Variants in RAB3C observed in about 807,000 individuals in gnomAD.
RAB3C encodes ras-related protein Rab-3C.
A neutral mutation model predicts 26.4 loss-of-function variants in RAB3C; 17 were observed. That is an observed-to-expected ratio of 0.64 (90% CI 0.44 to 0.97). RAB3C has a LOEUF of 0.97. Among genes scored for constraint, RAB3C ranks in the 50% least tolerant of loss-of-function variants. RAB3C has a pLI of 0.00. For missense variants in RAB3C, 242 were observed against 281.9 expected (o/e 0.86, Z 1.01); for synonymous variants, 91 against 95.9 (o/e 0.95, Z 0.30).
intron 3 of RAB3C, among the ~76,000 whole-genome samples, chr5:58,815,005 G>A (rs1359496608): frequency 6.6e-6 from 1 of 152,130 alleles, no homozygotes; most frequent in African/African-American, 2.4e-5. Context: ...TTACCACAGA[G>A]AGGTGGATCA....
At chr5:58,712,172 C>T (rs528566091) in intron 2 of RAB3C, among the ~76,000 whole-genome samples, 4 of 152,214 alleles carry the variant, frequency 2.6e-5, no homozygotes, top group East Asian at 3.9e-4. Flanking sequence ...CTAGTACTTA[C>T]GTCATACTAT....
intron 3 of RAB3C, among the ~76,000 whole-genome samples, chr5:58,779,869 T>A (rs114791544): frequency 0.013 from 1,913 of 152,138 alleles, 44 homozygotes; most frequent in African/African-American, 0.044. Flanking sequence ...AGATATATAG[T>A]GCCAGCAAGC....
intron 2 of RAB3C, among the ~76,000 whole-genome samples, chr5:58,715,170 C>T (rs1749142228): frequency 6.6e-6 from 1 of 151,826 alleles, no homozygotes; most frequent in Admixed American, 6.6e-5. Context: ...TTAAATTATA[C>T]TTTTGTCTTC....
chr5:58,680,320 G>T (rs1748320750), intron 2 of RAB3C, among the ~76,000 whole-genome samples: 1 of 152,084 alleles, frequency 6.6e-6, no homozygotes, highest in South Asian at 2.1e-4. Flanking sequence ...AACTTATATT[G>T]CCTAGAAACC....
rs113689184 is a variant in RAB3C, at chr5:58,766,745, C to A, written c.371+40625C>A. Among the ~76,000 whole-genome samples the A allele has an allele frequency of 6.0e-4, 92 of 152,116 alleles. 1 individual carries two copies. Among genetic ancestry groups the A allele is most frequent in the African/African-American group, 2.1e-3 (88 of 41,462 alleles). On this transcript the variant is annotated intron_variant, in intron 3 of 4. Transcript: ENST00000282878. ...AGCTCAGCTAAAGGTTTAATCGGAG[C>A]CTTCGTTAGATAAAGGCATGGTGCA...
chr5:58,756,316 G>GTT (rs1289534985), intron 3 of RAB3C, among the ~76,000 whole-genome samples: 10 of 134,014 alleles, frequency 7.5e-5, no homozygotes, highest in Admixed American at 1.5e-4. Flanking sequence ...AGCCCCAGTA[G>GTT]TTATATATAT....
intron 2 of RAB3C, among the ~76,000 whole-genome samples, chr5:58,642,783 G>A (rs776889970): frequency 6.6e-5 from 10 of 152,120 alleles, no homozygotes; most frequent in African/African-American, 2.4e-5. Context: ...TTGAAACATC[G>A]CGGGGAGTGC....
rs1561305190 is a variant in RAB3C at position 58,737,429 on chromosome 5, ATATATATATATATATATAT to A, written c.371+11310_371+11328del. Among the ~76,000 whole-genome samples, 704 of 102,868 alleles carry A rather than the reference ATATATATATATATATATAT, an allele frequency of 6.8e-3. 28 individuals are homozygous for A. The highest frequency in any genetic ancestry group is 0.023 in the African/African-American group (487 of 21,204). 67.5% of individuals were successfully genotyped at this position (102,868 alleles called of 152,430 possible). A position where few individuals can be genotyped will look rare whatever the true frequency, so the allele number is the denominator to read the frequency against. ...TATATATATATATATATATATATAT[ATATATATATATATATATAT>A]AATTTACTTGTTTACTGTGTTTATT... is the stretch of plus-strand genomic sequence containing the variant. On this transcript the variant is annotated intron_variant, in intron 3 of 4. Transcript: ENST00000282878.
At chr5:58,707,703 C>T (rs955001504) in intron 2 of RAB3C, among the ~76,000 whole-genome samples, 4 of 152,200 alleles carry the variant, frequency 2.6e-5, no homozygotes, top group African/African-American at 9.6e-5. Context: ...TTCCCAGACT[C>T]AGCTGCCAAA....
intron 2 of RAB3C, among the ~76,000 whole-genome samples, chr5:58,627,471 TAA>T (rs58104232): frequency 1.5e-5 from 1 of 68,440 alleles, no homozygotes; most frequent in Non-Finnish European, 3.2e-5. Context: ...GACTCCGTCT[TAA>T]AAAAAAAAAA....
intron 2 of RAB3C, among the ~76,000 whole-genome samples, chr5:58,632,788 C>T (rs1016090292): frequency 1.3e-5 from 2 of 152,162 alleles, no homozygotes; most frequent in Non-Finnish European, 1.5e-5. Context: ...TCCCTACCAG[C>T]CTATTACCAT....
chr5:58,776,139 T>C (rs1194059239), intron 3 of RAB3C, among the ~76,000 whole-genome samples: 2 of 152,094 alleles, frequency 1.3e-5, no homozygotes, highest in African/African-American at 4.8e-5. Context: ...TCATTTCTAG[T>C]TTCCTGGAGC....
At chr5:58,587,683 T>G (rs1746040954) in intron 1 of RAB3C, among the ~76,000 whole-genome samples, 1 of 152,218 alleles carries the variant, frequency 6.6e-6, no homozygotes, top group African/African-American at 2.4e-5. Flanking sequence ...ATAGAACATT[T>G]CTAATCATCC....
intron 2 of RAB3C, among the ~76,000 whole-genome samples, chr5:58,696,372 G>A (rs1398298430): frequency 6.6e-6 from 1 of 152,166 alleles, no homozygotes; most frequent in Admixed American, 6.5e-5. Context: ...AGGGATATTG[G>A]TCTAAAATTC....
chr5:58,688,629 A>C (rs1470100508), intron 2 of RAB3C, among the ~76,000 whole-genome samples: 1 of 152,156 alleles, frequency 6.6e-6, no homozygotes, highest in Non-Finnish European at 1.5e-5. Context: ...TAGGTTCTAC[A>C]GAAAGACCAG....
chr5:58,846,559 T>C (rs1369586080), intron 4 of RAB3C, among the ~76,000 whole-genome samples: 2 of 152,104 alleles, frequency 1.3e-5, no homozygotes, highest in African/African-American at 4.8e-5. Flanking sequence ...TTGTATATTT[T>C]GTAGAGGTGG....
Position 58,583,113 on chromosome 5 carries a change from G to A in RAB3C, c.-96G>A. ...GAGCCGGTTAGCGAACCCCAAGAGT[G>A]CAGAGTGTGGAGCGTGGAGCGCCGG... is the stretch of plus-strand genomic sequence containing the variant. On this transcript the variant is annotated 5_prime_UTR_variant, in exon 1 of 5. Transcript: ENST00000282878. The A allele has an allele frequency of 8.8e-6, 14 of 1,599,366 alleles. No individual in the cohort carries two copies. Among genetic ancestry groups the A allele is most frequent in the Non-Finnish European group, 1.2e-5 (14 of 1,174,084 alleles).
At chr5:58,582,400 G>C, upstream of RAB3C, 3 of 985,406 alleles carry the variant, frequency 3.0e-6, no homozygotes, top group Non-Finnish European at 3.6e-6. Flanking sequence ...AGTTGTAATG[G>C]AGCTGTATGG....
At chr5:58,596,330 C>A (rs936568696) in intron 1 of RAB3C, among the ~76,000 whole-genome samples, 1 of 151,422 alleles carries the variant, frequency 6.6e-6, no homozygotes, top group Non-Finnish European at 1.5e-5. Context: ...CTTTCAGATT[C>A]CAAACTTTTG....
Sources: gnomAD v4.1 joint callset for allele counts (sites outside exome capture counted in the v4.1 genomes callset) on GRCh38, gnomAD v4.1.1 for gene constraint, MANE v1.5 for transcripts, NCBI Gene and HGNC (gene_info 2026-07-23, HGNC 2026-07-21) for gene names.